Variants in IL1RAPL1 observed in about 807,000 individuals in gnomAD.
IL1RAPL1 encodes the protein interleukin-1 receptor accessory protein-like 1.
Under a neutral mutation model 48.4 loss-of-function variants are expected in IL1RAPL1, and 3 were observed. The ratio of observed to expected loss-of-function variants is 0.06; its 90% CI spans 0.03 to 0.16. IL1RAPL1 has a LOEUF of 0.16. Ranked by LOEUF, IL1RAPL1 falls within the 10% of genes least tolerant of loss-of-function variation. The pLI is 1.00. For synonymous variants in IL1RAPL1, 185 were observed against 187.7 expected (o/e 0.99, Z 0.12); for missense variants, 349 against 530.6 (o/e 0.66, Z 3.36).
intron 5 of IL1RAPL1, among the ~76,000 whole-genome samples, chrX:29,476,905 G>T (rs1482020966): frequency 3.7e-5 from 1 of 26,674 alleles, no homozygotes; most frequent in Non-Finnish European, 5.8e-5. Context: ...ACGGAGTCTC[G>T]CTCTGTCGCC....
At chrX:29,255,687 A>G (rs1931745400) in intron 2 of IL1RAPL1, among the ~76,000 whole-genome samples, 1 of 110,934 alleles carries the variant, frequency 9.0e-6, no homozygotes, top group African/African-American at 3.3e-5. Flanking sequence ...CTTAGCTCCC[A>G]CTTTTAAGTG....
chrX:29,594,109 A>G (rs1223777555), intron 5 of IL1RAPL1, among the ~76,000 whole-genome samples: 2 of 112,683 alleles, frequency 1.8e-5, no homozygotes, highest in Non-Finnish European at 3.7e-5. Flanking sequence ...TAAATGGTGT[A>G]TAGAAATCTA....
At chrX:29,217,992 A>C (rs1166956013) in intron 2 of IL1RAPL1, among the ~76,000 whole-genome samples, 1 of 111,857 alleles carries the variant, frequency 8.9e-6, no homozygotes, top group Non-Finnish European at 1.9e-5. Context: ...ATTACTTACT[A>C]TTCATTAATT....
chrX:29,698,480 CTTTGTGCATGGT>C (rs1926970965), intron 6 of IL1RAPL1, among the ~76,000 whole-genome samples: 1 of 110,525 alleles, frequency 9.0e-6, no homozygotes, highest in South Asian at 3.8e-4. Flanking sequence ...TCTGGAATAA[CTTTGTGCATGGT>C]TTTGTGCATG....
intron 2 of IL1RAPL1, among the ~76,000 whole-genome samples, chrX:28,821,564 G>A (rs1037986342): frequency 3.6e-5 from 4 of 111,745 alleles, no homozygotes; most frequent in Non-Finnish European, 7.5e-5. Flanking sequence ...ACATTGTGAT[G>A]TGGGTTATTT....
intron 5 of IL1RAPL1, among the ~76,000 whole-genome samples, chrX:29,485,253 C>T (rs1935084483): frequency 8.9e-6 from 1 of 111,797 alleles, no homozygotes; most frequent in Non-Finnish European, 1.9e-5. Flanking sequence ...AATCCTTTGC[C>T]TATAGTTTTA....
At chrX:29,288,848 G>A (rs756336280) in intron 3 of IL1RAPL1, among the ~76,000 whole-genome samples, 62 of 111,281 alleles carry the variant, frequency 5.6e-4, no homozygotes, top group Non-Finnish European at 9.4e-4. Context: ...TTTAATAATC[G>A]CCATTCTGAC....
At chrX:29,334,165 A>C (rs1158546735) in intron 3 of IL1RAPL1, among the ~76,000 whole-genome samples, 28 of 36,229 alleles carry the variant, frequency 7.7e-4, no homozygotes, top group African/African-American at 1.1e-3. Flanking sequence ...GGCGCCCCTC[A>C]CCTCCCGGAC....
chrX:28,929,148 A>T (rs1391303697), intron 2 of IL1RAPL1, among the ~76,000 whole-genome samples: 1 of 111,968 alleles, frequency 8.9e-6, no homozygotes, highest in Non-Finnish European at 1.9e-5. Context: ...AAACCTAGAT[A>T]GTATAGCCTA....
chrX:29,540,549 G>A (rs1022205043), intron 5 of IL1RAPL1, among the ~76,000 whole-genome samples: 10 of 111,761 alleles, frequency 8.9e-5, no homozygotes, highest in Non-Finnish European at 1.1e-4. Flanking sequence ...GGCTGCAGTA[G>A]CTTAAACTGC....
rs184896052 is a variant in IL1RAPL1 at position 29,869,823 on chromosome X, A to G, written c.779-47641A>G. 4.3e-3 allele frequency among the ~76,000 whole-genome samples: 474 copies of G among 108,996 alleles called. 1 individual carries two copies. The highest frequency in any genetic ancestry group is 0.016 in the African/African-American group (456 of 29,118). 94.6% of individuals were successfully genotyped at this position (108,996 alleles called of 115,157 possible). On this transcript the variant is annotated intron_variant, in intron 6 of 10. Transcript: ENST00000378993. ...GAAAAATGGGAAATTAAGGTGGAGG[A>G]TGATGGATGGGGTTCTCTGAGTACA...
Position 29,700,938 on chromosome X carries a change from A to G in IL1RAPL1, c.778+32434A>G, listed in dbSNP as rs189476267. Reference sequence around the variant, plus strand: ...TTTGCCATAAATGTATAATTTATCTATAGAGAATAATTGTATTTGGATATA... The same window carrying G: ...TTTGCCATAAATGTATAATTTATCTGTAGAGAATAATTGTATTTGGATATA... On this transcript the variant is annotated intron_variant, in intron 6 of 10. Coordinates refer to ENST00000378993, the MANE Select transcript of IL1RAPL1 (RefSeq NM_014271.4). Among the ~76,000 whole-genome samples the G allele has an allele frequency of 3.3e-3, 370 of 112,097 alleles. 1 individual carries two copies. The highest frequency in any genetic ancestry group is 0.011 in the African/African-American group (350 of 30,910).
intron 2 of IL1RAPL1, among the ~76,000 whole-genome samples, chrX:29,121,434 G>A (rs1247882357): frequency 8.9e-6 from 1 of 111,786 alleles, no homozygotes; most frequent in Non-Finnish European, 1.9e-5. Flanking sequence ...TGTACTGAAT[G>A]TGTATCCCTT....
intron 3 of IL1RAPL1, among the ~76,000 whole-genome samples, chrX:29,350,314 C>T (rs1163977689): frequency 3.2e-5 from 3 of 94,789 alleles, no homozygotes; most frequent in Non-Finnish European, 6.1e-5. Flanking sequence ...ATCTGCAGCT[C>T]GCTATGTAAC....
intron 2 of IL1RAPL1, among the ~76,000 whole-genome samples, chrX:28,958,165 A>G (rs1325053337): frequency 9.1e-6 from 1 of 110,355 alleles, no homozygotes; most frequent in Non-Finnish European, 1.9e-5. Flanking sequence ...AATTTTAAAG[A>G]ATATATTGAT....
At chrX:29,518,860 T>A (rs576347840) in intron 5 of IL1RAPL1, among the ~76,000 whole-genome samples, 3 of 112,031 alleles carry the variant, frequency 2.7e-5, no homozygotes, top group African/African-American at 9.7e-5. Flanking sequence ...TAGACTATTA[T>A]AAAACAGGAT....
At chrX:29,717,424 A>T (rs998410044) in intron 6 of IL1RAPL1, among the ~76,000 whole-genome samples, 2 of 112,346 alleles carry the variant, frequency 1.8e-5, no homozygotes, top group African/African-American at 6.5e-5. Flanking sequence ...ATTGGGAATG[A>T]GGTTAGAAAA....
At position 29,602,185 on chromosome X, in the gene IL1RAPL1, G is replaced by A. The variant is rs934461446; in HGVS notation, c.704-66245G>A. On this transcript the variant is annotated intron_variant, in intron 5 of 10. Transcript: ENST00000378993. ...TTTAGTATAGACGGGGTTTCACCAT[G>A]TTGATCAGGCTGATCTCAAACTCCT... 1.5e-4 allele frequency among the ~76,000 whole-genome samples: 16 copies of A among 108,580 alleles called. 4 individuals carry two copies. Among genetic ancestry groups the A allele is most frequent in the African/African-American group, 5.7e-4 (16 of 28,085 alleles). 94.3% of individuals were successfully genotyped at this position (108,580 alleles called of 115,157 possible). A position where few individuals can be genotyped will look rare whatever the true frequency, so the allele number is the denominator to read the frequency against.
At chrX:29,294,812 A>G (rs1306881872) in intron 3 of IL1RAPL1, among the ~76,000 whole-genome samples, 1 of 111,589 alleles carries the variant, frequency 9.0e-6, no homozygotes, top group East Asian at 2.8e-4. Context: ...GCTACAATAT[A>G]TTCCTGATAA....
Sources: allele counts gnomAD v4.1 joint callset (sites outside exome capture counted in the v4.1 genomes callset), GRCh38; gene constraint gnomAD v4.1.1; transcripts MANE v1.5; gene names NCBI Gene and HGNC (gene_info 2026-07-23, HGNC 2026-07-21).